Variants in TRABD2B observed in about 807,000 individuals in gnomAD.
TRABD2B encodes the protein TraB domain containing 2B, also known as metalloprotease TIKI2.
A neutral mutation model predicts 40.1 loss-of-function variants in TRABD2B; 14 were observed. That is an observed-to-expected ratio of 0.35 (90% CI 0.23 to 0.55). The LOEUF (loss-of-function observed/expected upper bound fraction) is 0.55, where lower values mean the gene tolerates loss of function less well. Among genes scored for constraint, TRABD2B ranks in the 20% least tolerant of loss-of-function variants. TRABD2B has a pLI of 0.90. For missense variants in TRABD2B, 541 were observed against 648.6 expected (o/e 0.83, Z 1.80); for synonymous variants, 263 against 277.0 (o/e 0.95, Z 0.50).
intron 2 of TRABD2B, among the ~76,000 whole-genome samples, chr1:47,896,655 C>G (rs1479223482): frequency 6.6e-6 from 1 of 152,166 alleles, no homozygotes; most frequent in African/African-American, 2.4e-5. Flanking sequence ...GTGTGATCTG[C>G]CCACGAGCTG....
intron 2 of TRABD2B, among the ~76,000 whole-genome samples, chr1:47,917,480 A>G (rs1161811694): frequency 1.3e-5 from 2 of 152,090 alleles, no homozygotes; most frequent in African/African-American, 4.8e-5. Context: ...CAACACTCTG[A>G]GAGGCCAAGG....
intron 2 of TRABD2B, among the ~76,000 whole-genome samples, chr1:47,838,919 G>A (rs988923674): frequency 5.9e-5 from 9 of 152,214 alleles, no homozygotes; most frequent in African/African-American, 9.6e-5. Context: ...AGGCAGGGGC[G>A]AAAGCTGGAG....
At chr1:47,949,276 G>C (rs1645305208) in intron 2 of TRABD2B, among the ~76,000 whole-genome samples, 1 of 151,994 alleles carries the variant, frequency 6.6e-6, no homozygotes, top group Non-Finnish European at 1.5e-5. Flanking sequence ...CCAGAGAGCT[G>C]AGTAAATTGC....
At chr1:47,811,734 G>C (rs985222907) in intron 2 of TRABD2B, among the ~76,000 whole-genome samples, 1 of 152,204 alleles carries the variant, frequency 6.6e-6, no homozygotes, top group Non-Finnish European at 1.5e-5. Context: ...GTACAGCTAA[G>C]TCCAAGGGCG....
chr1:47,945,011 A>T (rs17103942), intron 2 of TRABD2B, among the ~76,000 whole-genome samples: 22,602 of 142,080 alleles, frequency 0.16, 1,934 homozygotes, highest in East Asian at 0.39. Context: ...CATGTAGTTC[A>T]GTGATTCTGG....
intron 2 of TRABD2B, among the ~76,000 whole-genome samples, chr1:47,852,625 C>T (rs570753734): frequency 6.6e-6 from 1 of 152,178 alleles, no homozygotes; most frequent in African/African-American, 2.4e-5. Context: ...TGTGATTGCC[C>T]GAGCTCCCTC....
chr1:47,803,902 G>A (rs1296516980), intron 2 of TRABD2B, among the ~76,000 whole-genome samples: 1 of 152,172 alleles, frequency 6.6e-6, no homozygotes, highest in Non-Finnish European at 1.5e-5. Context: ...TCTGCATTTT[G>A]AGGCATGCCA....
At chr1:47,981,329 CT>C (rs1430590609) in intron 2 of TRABD2B, among the ~76,000 whole-genome samples, 2 of 152,168 alleles carry the variant, frequency 1.3e-5, no homozygotes, top group Non-Finnish European at 2.9e-5. Context: ...CTCTCTTTTC[CT>C]TAGATGCAGA....
intron 4 of TRABD2B, among the ~76,000 whole-genome samples, chr1:47,787,184 A>C (rs1454944931): frequency 6.6e-6 from 1 of 152,224 alleles, no homozygotes; most frequent in Non-Finnish European, 1.5e-5. Flanking sequence ...ACTGGAAGGC[A>C]GCTGGATCTG....
rs78488940 is a variant in TRABD2B, at chr1:47,927,489, G to A, written c.666+66545C>T. On this transcript the variant is annotated intron_variant, in intron 2 of 6. Transcript: ENST00000606738. ...GGGCTGAAGCTGGCTCCTTCTCAGA[G>A]CACCTCCCTCCAGAGAGCCCAGGCC... is the stretch of plus-strand genomic sequence containing the variant. Among the ~76,000 whole-genome samples the A allele has an allele frequency of 1.6e-3, 238 of 152,322 alleles. 1 individual carries two copies. The highest frequency in any genetic ancestry group is 5.2e-3 in the African/African-American group (215 of 41,582).
chr1:47,985,767 T>C (rs1488424936), intron 2 of TRABD2B, among the ~76,000 whole-genome samples: 1 of 152,234 alleles, frequency 6.6e-6, no homozygotes, highest in African/African-American at 2.4e-5. Context: ...TATGATTACA[T>C]GGCATCCATC....
intron 2 of TRABD2B, among the ~76,000 whole-genome samples, chr1:47,821,290 G>C (rs1369532194): frequency 6.6e-6 from 1 of 152,212 alleles, no homozygotes; most frequent in East Asian, 1.9e-4. Context: ...TTAGCAGTCA[G>C]AGGCCCTGGG....
In TRABD2B at chr1:47,765,788, T is replaced by C. The variant is rs536532478; in HGVS notation, c.*114A>G. 5.7e-6 allele frequency: 4 copies of C among 701,110 alleles called. No individual in the cohort carries two copies. Among genetic ancestry groups the C allele is most frequent in the South Asian group, 4.5e-5 (3 of 66,808 alleles). 43.4% of individuals were successfully genotyped at this position (701,110 alleles called of 1,614,324 possible). A position where few individuals can be genotyped will look rare whatever the true frequency, so the allele number is the denominator to read the frequency against. ...GCTCTAGAGTGTCTAGCCAATCCCATGTGGACTGCCCTCGACGTGTTGGGC... is the reference window on the plus strand; with the variant it reads ...GCTCTAGAGTGTCTAGCCAATCCCACGTGGACTGCCCTCGACGTGTTGGGC... On this transcript the variant is annotated 3_prime_UTR_variant, in exon 7 of 7. Coordinates refer to ENST00000606738, the MANE Select transcript of TRABD2B (RefSeq NM_001194986.2).
chr1:47,872,854 T>C (rs1281135239), intron 2 of TRABD2B, among the ~76,000 whole-genome samples: 1 of 152,158 alleles, frequency 6.6e-6, no homozygotes, highest in Non-Finnish European at 1.5e-5. Context: ...TCAGGGCTCC[T>C]GTGCCTGACA....
intron 2 of TRABD2B, among the ~76,000 whole-genome samples, chr1:47,875,466 C>T (rs998129580): frequency 6.6e-6 from 1 of 151,662 alleles, no homozygotes; most frequent in African/African-American, 2.4e-5. Flanking sequence ...GCAGGAGCAC[C>T]GCTTTACCCC....
chr1:47,850,940 A>C (rs1388880799), intron 2 of TRABD2B, among the ~76,000 whole-genome samples: 1 of 152,200 alleles, frequency 6.6e-6, no homozygotes, highest in Non-Finnish European at 1.5e-5. Flanking sequence ...GATCACTTGC[A>C]TGCACAGTTC....
At chr1:47,884,919 A>T (rs751803615) in intron 2 of TRABD2B, among the ~76,000 whole-genome samples, 41 of 152,110 alleles carry the variant, frequency 2.7e-4, no homozygotes, top group Non-Finnish European at 1.2e-4. Flanking sequence ...CCTAGCCAGG[A>T]TCATCTTTTT....
intron 2 of TRABD2B, among the ~76,000 whole-genome samples, chr1:47,956,177 C>T (rs992719342): frequency 6.6e-6 from 1 of 152,098 alleles, no homozygotes; most frequent in South Asian, 2.1e-4. Flanking sequence ...CCATAGAAAC[C>T]CACCCACCAC....
At chr1:47,961,985 T>C (rs1645523777) in intron 2 of TRABD2B, among the ~76,000 whole-genome samples, 1 of 152,120 alleles carries the variant, frequency 6.6e-6, no homozygotes, top group African/African-American at 2.4e-5. Context: ...AATGATAGAC[T>C]GGATTAAGAA....
Sources: gnomAD v4.1 joint callset for allele counts (sites outside exome capture counted in the v4.1 genomes callset) on GRCh38, gnomAD v4.1.1 for gene constraint, MANE v1.5 for transcripts, NCBI Gene and HGNC (gene_info 2026-07-23, HGNC 2026-07-21) for gene names.